The following TSPAN11 variants were observed in gnomAD, a reference collection of about 807,000 sequenced individuals.
TSPAN11 encodes the protein tetraspanin-11.
Under a neutral mutation model 32.9 loss-of-function variants are expected in TSPAN11, and 29 were observed. That is an observed-to-expected ratio of 0.88 (90% CI 0.66 to 1.20). The LOEUF (loss-of-function observed/expected upper bound fraction) is 1.20, where lower values mean the gene tolerates loss of function less well. Among genes scored for constraint, TSPAN11 ranks in the 50% most tolerant of loss-of-function variants. The pLI, the probability that TSPAN11 is intolerant of heterozygous loss-of-function variation, is 0.00. For synonymous variants in TSPAN11, 140 were observed against 141.3 expected, an observed-to-expected ratio of 0.99 and a Z score of 0.07; for missense variants, 283 against 329.1, an observed-to-expected ratio of 0.86 and a Z score of 1.08.
chr12:30,963,195 T>C (rs534228894), intron 2 of TSPAN11, among the ~76,000 whole-genome samples: 4 of 152,310 alleles, frequency 2.6e-5, no homozygotes, highest in African/African-American at 9.6e-5. Context: ...GGAGGCAGTG[T>C]GACTGAGTGG....
At position 30,991,911 on chromosome 12, in the gene TSPAN11, A is replaced by G. The variant is rs200462287; in HGVS notation, c.758A>G (p.Tyr253Cys). Reference protein sequence around the residue: ...CLHQRLQRHFY With the variant: ...CLHQRLQRHFC ...CACCAGAGGCTCCAGCGGCATTTTT[A>G]CTAATGGCCAACCACCTCCTCTTCC... is the stretch of plus-strand genomic sequence containing the variant. Residue 253 changes from tyrosine (Y) to cysteine (C), a missense_variant, in exon 8 of 8, where the codon TAC (tyrosine) becomes TGC (cysteine). By Grantham distance (194) the Tyr-to-Cys change is radical. Transcript: ENST00000546076. 3 of 1,614,090 alleles carry G rather than the reference A, an allele frequency of 1.9e-6. No individual in the cohort carries two copies. The highest frequency in any genetic ancestry group is 2.5e-6 in the Non-Finnish European group (3 of 1,180,000).
At chr12:30,963,317 C>G (rs754050263) in intron 2 of TSPAN11, among the ~76,000 whole-genome samples, 1 of 152,120 alleles carries the variant, frequency 6.6e-6, no homozygotes, top group Non-Finnish European at 1.5e-5. Flanking sequence ...GTTTCTTCCT[C>G]GTAGAGTAGG....
chr12:30,928,904 G>T (rs990338076), intron 1 of TSPAN11, among the ~76,000 whole-genome samples: 1 of 152,218 alleles, frequency 6.6e-6, no homozygotes, highest in Non-Finnish European at 1.5e-5. Flanking sequence ...ACCAAAAGCG[G>T]GACTGCCTTT....
chr12:30,978,849 ATGGGAGC>A, intron 4 of TSPAN11: 1 of 557,760 alleles, frequency 1.8e-6, no homozygotes. Context: ...TGTCTTCCAC[ATGGGAGC>A]TGGGGACGGG....
chr12:30,953,296 C>A (rs1938417808), intron 1 of TSPAN11, among the ~76,000 whole-genome samples: 1 of 152,156 alleles, frequency 6.6e-6, no homozygotes, highest in South Asian at 2.1e-4. Flanking sequence ...TTATTATCCC[C>A]ATTTACAGAT....
chr12:30,965,373 G>A (rs1938708588), intron 3 of TSPAN11, among the ~76,000 whole-genome samples: 1 of 152,160 alleles, frequency 6.6e-6, no homozygotes, highest in Non-Finnish European at 1.5e-5. Context: ...GCTCTCACCT[G>A]CCTCCTTCCT....
At chr12:30,970,525 GT>G (rs1357134229) in intron 3 of TSPAN11, among the ~76,000 whole-genome samples, 2 of 152,070 alleles carry the variant, frequency 1.3e-5, no homozygotes, top group Non-Finnish European at 2.9e-5. Context: ...CCAAGACCCA[GT>G]TTTTTTCCCT....
At chr12:30,958,673 G>A (rs1427604922) in intron 2 of TSPAN11, among the ~76,000 whole-genome samples, 1 of 152,126 alleles carries the variant, frequency 6.6e-6, no homozygotes, top group African/African-American at 2.4e-5. Flanking sequence ...TGCTGTGTTT[G>A]CTCCCCAAAC....
intron 1 of TSPAN11, 71 bp downstream of exon 1, chr12:30,926,867 C>G: frequency 1.7e-6 from 2 of 1,166,156 alleles, no homozygotes; most frequent in Non-Finnish European, 2.2e-6. Flanking sequence ...AGAGGCGCCT[C>G]CACCTCCGCT....
the TSPAN11 span, among the ~76,000 whole-genome samples, chr12:31,007,767 T>C: frequency 1.3e-5 from 2 of 152,222 alleles, no homozygotes; most frequent in East Asian, 3.8e-4. Context: ...CAGCCTGACA[T>C]GCCTGCTAGT....
At chr12:30,987,477 C>T (rs1397256860) in intron 7 of TSPAN11, among the ~76,000 whole-genome samples, 1 of 152,082 alleles carries the variant, frequency 6.6e-6, no homozygotes, top group Non-Finnish European at 1.5e-5. Flanking sequence ...CATGGAGGCG[C>T]GCGCCTGTAA....
chr12:30,956,168 G>A (rs914269138), intron 2 of TSPAN11, among the ~76,000 whole-genome samples: 5 of 152,236 alleles, frequency 3.3e-5, no homozygotes, highest in African/African-American at 1.2e-4. Flanking sequence ...CATGTGGATG[G>A]TGGATGGTAG....
intron 7 of TSPAN11, among the ~76,000 whole-genome samples, chr12:30,985,783 G>C (rs1939189718): frequency 1.3e-5 from 2 of 152,252 alleles, no homozygotes; most frequent in African/African-American, 4.8e-5. Flanking sequence ...CGACGGTCAA[G>C]GTAAACCGCA....
chr12:30,984,781 C>T (rs1939168926), intron 7 of TSPAN11, among the ~76,000 whole-genome samples: 1 of 152,086 alleles, frequency 6.6e-6, no homozygotes, highest in Non-Finnish European at 1.5e-5. Context: ...TGGTCTCGAA[C>T]TCTTGACCTC....
intron 1 of TSPAN11, among the ~76,000 whole-genome samples, chr12:30,935,994 G>T (rs986162640): frequency 2.0e-5 from 3 of 152,228 alleles, no homozygotes; most frequent in Admixed American, 1.3e-4. Flanking sequence ...CTAAATGGAT[G>T]CTTATTCCCT....
chr12:30,963,966 C>G lies in TSPAN11; in HGVS notation c.225C>G (p.Gly75=), dbSNP rs1389338375. 2 of 1,614,110 alleles carry G rather than the reference C, an allele frequency of 1.2e-6. No homozygotes were observed. The highest frequency in any genetic ancestry group is 2.2e-5 in the South Asian group (2 of 91,084). ...CGGGCGTACTTGTCATGGTGACCGGCTTCCTGGGCTTCGGTGCCATCCTCT... is the reference window on the plus strand; with the variant it reads ...CGGGCGTACTTGTCATGGTGACCGGGTTCCTGGGCTTCGGTGCCATCCTCT... ...IFAGVLVMVT[G]FLGFGAILWE... is the part of the protein sequence containing the mutation. Residue 75 remains glycine, a synonymous_variant, in exon 3 of 8, where the codon GGC becomes GGG. Coordinates refer to ENST00000546076, the MANE Select transcript of TSPAN11 (RefSeq NM_001370302.1).
chr12:30,933,879 A>T (rs1271470339), intron 1 of TSPAN11, among the ~76,000 whole-genome samples: 1 of 152,104 alleles, frequency 6.6e-6, no homozygotes, highest in African/African-American at 2.4e-5. Context: ...AATGCTTCCC[A>T]TGTCCTCTAG....
At chr12:31,011,919 G>A in the TSPAN11 span, among the ~76,000 whole-genome samples, 1 of 152,192 alleles carries the variant, frequency 6.6e-6, no homozygotes, top group African/African-American at 2.4e-5. Flanking sequence ...ACTTGATGTG[G>A]GCTGTGGGTA....
intron 3 of TSPAN11, among the ~76,000 whole-genome samples, chr12:30,970,794 A>G (rs1938833286): frequency 3.9e-5 from 6 of 152,128 alleles, no homozygotes. Flanking sequence ...TCTAACAGTG[A>G]CACTTGGTTA....
Sources: allele counts gnomAD v4.1 joint callset (sites outside exome capture counted in the v4.1 genomes callset), GRCh38; gene constraint gnomAD v4.1.1; transcripts MANE v1.5; gene names NCBI Gene and HGNC (gene_info 2026-07-23, HGNC 2026-07-21).